Variants in PBX3 observed in about 807,000 individuals in gnomAD.
The protein encoded by PBX3 is pre-B-cell leukemia transcription factor 3.
In PBX3, 14 loss-of-function variants were observed where a neutral mutation model predicts 48.5. That is an observed-to-expected ratio of 0.29 (90% CI 0.19 to 0.45). PBX3 has a LOEUF of 0.45. Among genes scored for constraint, PBX3 ranks in the 20% least tolerant of loss-of-function variants. PBX3 has a pLI of 1.00. For missense variants in PBX3, 386 were observed against 546.7 expected, an observed-to-expected ratio of 0.71 and a Z score of 2.93; for synonymous variants, 210 against 200.3, an observed-to-expected ratio of 1.05 and a Z score of -0.41.
intron 2 of PBX3, among the ~76,000 whole-genome samples, chr9:125,775,177 C>T (rs1337073381): frequency 1.3e-5 from 2 of 152,136 alleles, no homozygotes; most frequent in Non-Finnish European, 2.9e-5. Flanking sequence ...CACAGAGTTC[C>T]AATTTCTTAT....
chr9:125,787,317 CTTT>C (rs900216533), intron 2 of PBX3, among the ~76,000 whole-genome samples: 1 of 147,630 alleles, frequency 6.8e-6, no homozygotes, highest in Admixed American at 6.8e-5. Context: ...CATGGATTAA[CTTT>C]TTTTTTTTGA....
chr9:125,821,757 T>C (rs1838659122), intron 2 of PBX3, among the ~76,000 whole-genome samples: 1 of 152,160 alleles, frequency 6.6e-6, no homozygotes, highest in Non-Finnish European at 1.5e-5. Context: ...TGAAATTAGC[T>C]CTGTCCACTA....
intron 2 of PBX3, among the ~76,000 whole-genome samples, chr9:125,781,393 G>C (rs1006805080): frequency 6.6e-6 from 1 of 151,698 alleles, no homozygotes; most frequent in Non-Finnish European, 1.5e-5. Flanking sequence ...GGTGGCGCGC[G>C]CCTGCAATCG....
At chr9:125,835,545 A>G (rs918757770) in intron 2 of PBX3, among the ~76,000 whole-genome samples, 1 of 152,232 alleles carries the variant, frequency 6.6e-6, no homozygotes, top group Non-Finnish European at 1.5e-5. Flanking sequence ...TGATTTTAAA[A>G]TGGGCAAAAG....
chr9:125,765,294 G>C (rs959400968), intron 2 of PBX3, among the ~76,000 whole-genome samples: 1 of 151,662 alleles, frequency 6.6e-6, no homozygotes, highest in African/African-American at 2.4e-5. Context: ...GACTACAGGC[G>C]CGCGCCACTG....
At chr9:125,774,439 C>G (rs184225592) in intron 2 of PBX3, among the ~76,000 whole-genome samples, 1 of 152,220 alleles carries the variant, frequency 6.6e-6, no homozygotes, top group Non-Finnish European at 1.5e-5. Context: ...AACCACCAAT[C>G]TGCTTTCTAT....
intron 2 of PBX3, among the ~76,000 whole-genome samples, chr9:125,781,124 T>C (rs201405291): frequency 0.017 from 2,577 of 149,584 alleles, 136 homozygotes; most frequent in East Asian, 0.15. Flanking sequence ...GGGTGGTGGC[T>C]GGGCAGAGGC....
intron 2 of PBX3, among the ~76,000 whole-genome samples, chr9:125,871,022 A>G (rs1027800031): frequency 6.6e-6 from 1 of 152,198 alleles, no homozygotes; most frequent in Non-Finnish European, 1.5e-5. Context: ...CCACTTCTAG[A>G]TATAAAGTCT....
At chr9:125,757,274 G>GT (rs202061943) in intron 2 of PBX3, among the ~76,000 whole-genome samples, 458 of 148,296 alleles carry the variant, frequency 3.1e-3, no homozygotes, top group African/African-American at 8.1e-3. Context: ...TCCCACCATT[G>GT]TTTTTTTTTA....
chr9:125,777,522 A>AT (rs200498451), intron 2 of PBX3, among the ~76,000 whole-genome samples: 185 of 139,988 alleles, frequency 1.3e-3, no homozygotes, highest in Middle Eastern at 3.8e-3. Context: ...TGCCTGGCTA[A>AT]TTTTTTTTTT....
intron 2 of PBX3, among the ~76,000 whole-genome samples, chr9:125,865,630 G>C (rs1452912813): frequency 6.6e-6 from 1 of 152,134 alleles, no homozygotes; most frequent in Non-Finnish European, 1.5e-5. Context: ...TAATAAGGAA[G>C]AACAGATCTG....
chr9:125,790,281 C>T (rs58455461), intron 2 of PBX3, among the ~76,000 whole-genome samples: 2,997 of 150,588 alleles, frequency 0.02, 171 homozygotes, highest in East Asian at 0.17. Context: ...TTGAGACAGT[C>T]TTGCTCTGTC....
At chr9:125,929,292 A>G (rs547173152) in intron 3 of PBX3, among the ~76,000 whole-genome samples, 64 of 152,386 alleles carry the variant, frequency 4.2e-4, no homozygotes, top group African/African-American at 1.4e-3. Flanking sequence ...TGTTGATTAA[A>G]TGTAAAACTC....
At chr9:125,814,839 G>A (rs1459895467) in intron 2 of PBX3, among the ~76,000 whole-genome samples, 1 of 152,064 alleles carries the variant, frequency 6.6e-6, no homozygotes, top group Non-Finnish European at 1.5e-5. Context: ...ACATTAATGT[G>A]GTCCTTATAT....
chr9:125,783,227 A>G (rs1837368594), intron 2 of PBX3, among the ~76,000 whole-genome samples: 1 of 152,026 alleles, frequency 6.6e-6, no homozygotes, highest in Admixed American at 6.5e-5. Context: ...GGTATGCGTG[A>G]TGTCTCGTTA....
chr9:125,785,018 T>C (rs1837422387), intron 2 of PBX3, among the ~76,000 whole-genome samples: 1 of 152,248 alleles, frequency 6.6e-6, no homozygotes, highest in Admixed American at 6.5e-5. Context: ...TAGGCTTTTG[T>C]TACTTTACTG....
intron 5 of PBX3, among the ~76,000 whole-genome samples, chr9:125,958,953 ATGTCACATACACCATGT>A (rs959414245): frequency 2.6e-5 from 4 of 152,182 alleles, no homozygotes; most frequent in Non-Finnish European, 1.5e-5. Context: ...AAGGAGTATA[ATGTCACATACACCATGT>A]AAGAGCCTGC....
chr9:125,753,133 T>C (rs537971494), intron 2 of PBX3, among the ~76,000 whole-genome samples: 4 of 152,168 alleles, frequency 2.6e-5, no homozygotes, highest in Non-Finnish European at 5.9e-5. Flanking sequence ...GGTTCTTTAA[T>C]GTTTTAAGTT....
At chr9:125,793,672 C>T (rs1350389720) in intron 2 of PBX3, among the ~76,000 whole-genome samples, 5 of 151,976 alleles carry the variant, frequency 3.3e-5, no homozygotes, top group Non-Finnish European at 7.4e-5. Flanking sequence ...TCAGGTAATC[C>T]GCCTGCCTCG....
Sources: allele counts gnomAD v4.1 joint callset (sites outside exome capture counted in the v4.1 genomes callset), GRCh38; gene constraint gnomAD v4.1.1; transcripts MANE v1.5; gene names NCBI Gene and HGNC (gene_info 2026-07-23, HGNC 2026-07-21).